VTI1A: variants seen among roughly 807,000 people sequenced by gnomAD.
VTI1A encodes vesicle transport through interaction with t-SNAREs 1A.
VTI1A carries 22 observed loss-of-function variants against 34.9 expected under a neutral mutation model. That is an observed-to-expected ratio of 0.63 (90% CI 0.45 to 0.90). VTI1A has a LOEUF of 0.90. VTI1A is among the 40% of genes least tolerant of loss of function. VTI1A has a pLI of 0.00. For missense variants in VTI1A, 268 were observed against 275.6 expected, an observed-to-expected ratio of 0.97 and a Z score of 0.20; for synonymous variants, 87 against 97.3, an observed-to-expected ratio of 0.89 and a Z score of 0.62.
intron 7 of VTI1A, among the ~76,000 whole-genome samples, chr10:112,713,928 A>G (rs959583152): frequency 6.6e-6 from 1 of 152,164 alleles, no homozygotes; most frequent in Non-Finnish European, 1.5e-5. Context: ...ACACTAGACC[A>G]TAGGCAAGAT....
chr10:112,653,083 T>C (rs950865834), intron 5 of VTI1A, among the ~76,000 whole-genome samples: 3 of 152,218 alleles, frequency 2.0e-5, no homozygotes, highest in Non-Finnish European at 4.4e-5. Flanking sequence ...CTCTAGAGGT[T>C]TCCATTTGTT....
chr10:112,473,968 C>T (rs1848192166), intron 3 of VTI1A, among the ~76,000 whole-genome samples: 1 of 152,164 alleles, frequency 6.6e-6, no homozygotes, highest in African/African-American at 2.4e-5. Flanking sequence ...TTGCATGGTT[C>T]TGAGAATCTG....
At chr10:112,830,778 C>A in the VTI1A span, among the ~76,000 whole-genome samples, 8 of 139,186 alleles carry the variant, frequency 5.7e-5, no homozygotes, top group African/African-American at 1.9e-4. Flanking sequence ...GCTTCAAGTT[C>A]CACATTTTCC....
At chr10:112,842,050 C>CTTTTTTTTTTTTTTTT in the VTI1A span, among the ~76,000 whole-genome samples, 316 of 93,152 alleles carry the variant, frequency 3.4e-3, 17 homozygotes, top group Middle Eastern at 5.8e-3. Flanking sequence ...TTTTTTTTTT[C>CTTTTTTTTTTTTTTTT]CTTTTTTTTT....
chr10:112,548,585 G>A, intron 5 of VTI1A: 1 of 828,358 alleles, frequency 1.2e-6, no homozygotes, highest in East Asian at 2.5e-5. Flanking sequence ...TTAAGACCAG[G>A]GTGGCAGGTA....
At chr10:112,787,698 CTTTTTTTTTT>C (rs34862909) in intron 7 of VTI1A, among the ~76,000 whole-genome samples, 6 of 103,280 alleles carry the variant, frequency 5.8e-5, no homozygotes, top group African/African-American at 2.3e-4. Flanking sequence ...TTTTTCTTTT[CTTTTTTTTTT>C]TTTTTTTTTT....
chr10:112,494,728 G>A lies in VTI1A; in HGVS notation c.264+30071G>A, dbSNP rs1450761675. On this transcript the variant is annotated intron_variant, in intron 3 of 7. Transcript: ENST00000393077. ...TTCACCATGTTGGCCAGGACAGGAT[G>A]GTCTTGAACTCCTGAACTCAAGTGA... 2.6e-5 allele frequency among the ~76,000 whole-genome samples: 4 copies of A among 151,990 alleles called. No homozygotes were observed. The East Asian group carries it at 7.7e-4, about 29-fold the overall frequency.
chr10:112,847,231 A>G, the VTI1A span, among the ~76,000 whole-genome samples: 1 of 151,938 alleles, frequency 6.6e-6, no homozygotes, highest in East Asian at 1.9e-4. Flanking sequence ...TAAGTTTTTG[A>G]CTGTTGTGTG....
intron 7 of VTI1A, among the ~76,000 whole-genome samples, chr10:112,691,864 A>G (rs534565587): frequency 6.6e-6 from 1 of 152,350 alleles, no homozygotes; most frequent in African/African-American, 2.4e-5. Flanking sequence ...TCTGAATTCA[A>G]GGACACCATT....
chr10:112,591,805 A>C (rs1391972744), intron 5 of VTI1A, among the ~76,000 whole-genome samples: 1 of 152,210 alleles, frequency 6.6e-6, no homozygotes, highest in Non-Finnish European at 1.5e-5. Context: ...AATACTTTAC[A>C]TTACATGCCA....
At position 112,767,117 on chromosome 10, in the gene VTI1A, T is replaced by C. The variant is rs1851673855; in HGVS notation, c.561-48173T>C. Among the ~76,000 whole-genome samples, 1 of 152,242 alleles carries C rather than the reference T, an allele frequency of 6.6e-6. No individual in the cohort carries two copies. Among genetic ancestry groups the C allele is most frequent in the South Asian group, 2.1e-4 (1 of 4,822 alleles). On this transcript the variant is annotated intron_variant, in intron 7 of 7. Transcript: ENST00000393077. This position sits in a 1 kb window ranked among gnomAD's most constrained non-coding sequence, Gnocchi z 4.0. ...AGCTTCCCAATCTGTGGCTTAAAGT[T>C]GACTTTTCAATCCATATTGGAATAA...
rs1181090787 is a variant in VTI1A, at chr10:112,736,109, G to GTATATATATATATATATATATA, written c.560+67112_560+67113insATATATATATATATATATATAT. ...GTATATTTTACATATATATGTGTGT[G>GTATATATATATATATATATATA]TGTATATATATATATATATATATAT... On this transcript the variant is annotated intron_variant, in intron 7 of 7. Coordinates refer to ENST00000393077, the MANE Select transcript of VTI1A (RefSeq NM_145206.4). Among the ~76,000 whole-genome samples, 36 of 116,842 alleles carry GTATATATATATATATATATATA rather than the reference G, an allele frequency of 3.1e-4. 1 individual carries two copies. Among genetic ancestry groups the GTATATATATATATATATATATA allele is most frequent in the South Asian group, 5.1e-4 (2 of 3,936 alleles). 76.7% of individuals were successfully genotyped at this position (116,842 alleles called of 152,430 possible).
At chr10:112,567,545 T>C (rs1329030728) in intron 5 of VTI1A, among the ~76,000 whole-genome samples, 1 of 152,206 alleles carries the variant, frequency 6.6e-6, no homozygotes, top group Non-Finnish European at 1.5e-5. Flanking sequence ...CTAACATGTT[T>C]TTTTCTTAGT....
chr10:112,593,913 T>TATG lies in VTI1A; in HGVS notation c.427+55585_427+55586insGAT, dbSNP rs1554914711. Among the ~76,000 whole-genome samples the TATG allele has an allele frequency of 1.1e-4, 15 of 139,630 alleles. No homozygotes were observed. The East Asian group carries it at 2.8e-3, about 26-fold the overall frequency. 91.6% of individuals were successfully genotyped at this position (139,630 alleles called of 152,430 possible). On this transcript the variant is annotated intron_variant, in intron 5 of 7. Coordinates refer to ENST00000393077, the MANE Select transcript of VTI1A (RefSeq NM_145206.4). ...CACCACGCCCGGCTAATTTTTTTTT[T>TATG]ATTATTATTATTTTGAGACGGAGTC...
chr10:112,632,756 T>G (rs993538685), intron 5 of VTI1A, among the ~76,000 whole-genome samples: 1 of 152,180 alleles, frequency 6.6e-6, no homozygotes, highest in African/African-American at 2.4e-5. Context: ...TTCATGGTAA[T>G]GCGACTTGTA....
chr10:112,605,389 T>G (rs1473010944), intron 5 of VTI1A, among the ~76,000 whole-genome samples: 1 of 152,118 alleles, frequency 6.6e-6, no homozygotes, highest in African/African-American at 2.4e-5. Flanking sequence ...GAAAGGAAAA[T>G]TGGTTCCTTC....
chr10:112,597,383 T>C (rs1393133248), intron 5 of VTI1A, among the ~76,000 whole-genome samples: 1 of 151,914 alleles, frequency 6.6e-6, no homozygotes, highest in African/African-American at 2.4e-5. Context: ...ACCCCCTGGC[T>C]AATTTTGTAT....
intron 7 of VTI1A, among the ~76,000 whole-genome samples, chr10:112,730,118 G>A (rs1270593071): frequency 6.6e-6 from 1 of 152,182 alleles, no homozygotes; most frequent in Non-Finnish European, 1.5e-5. Context: ...CTGGCCTTTT[G>A]TACAAGTCAT....
intron 5 of VTI1A, among the ~76,000 whole-genome samples, chr10:112,541,319 C>G (rs1850861270): frequency 6.6e-6 from 1 of 152,164 alleles, no homozygotes; most frequent in South Asian, 2.1e-4. Context: ...CATTTAACCT[C>G]TCTGCATGTG....
Sources: allele counts gnomAD v4.1 joint callset (sites outside exome capture counted in the v4.1 genomes callset), GRCh38; gene constraint gnomAD v4.1.1; non-coding constraint Gnocchi (gnomAD v3.1); transcripts MANE v1.5; gene names NCBI Gene and HGNC (gene_info 2026-07-23, HGNC 2026-07-21).